The following FNDC3A variants were observed in gnomAD, a reference collection of about 807,000 sequenced individuals.
FNDC3A encodes fibronectin type III domain containing 3A, also known as fibronectin type-III domain-containing protein 3A.
Under a neutral mutation model 148.9 loss-of-function variants are expected in FNDC3A, and 32 were observed. The ratio of observed to expected loss-of-function variants is 0.21; its 90% CI spans 0.16 to 0.29. FNDC3A has a LOEUF of 0.29. Among genes scored for constraint, FNDC3A ranks in the 10% least tolerant of loss-of-function variants. FNDC3A has a pLI of 1.00. For synonymous variants in FNDC3A, 472 were observed against 473.6 expected (o/e 1.00, Z 0.04); for missense variants, 1,191 against 1,452.8 (o/e 0.82, Z 2.93).
intron 2 of FNDC3A, among the ~76,000 whole-genome samples, chr13:49,019,474 G>A (rs536539873): frequency 1.2e-4 from 19 of 152,286 alleles, no homozygotes; most frequent in South Asian, 8.3e-4. Flanking sequence ...CGCAGGGTGC[G>A]CGCACCCACT....
intron 4 of FNDC3A, among the ~76,000 whole-genome samples, chr13:49,129,093 T>C (rs1017568488): frequency 6.6e-6 from 1 of 152,268 alleles, no homozygotes; most frequent in Non-Finnish European, 1.5e-5. Flanking sequence ...AAATATTTAA[T>C]ATATCATTCT....
chr13:48,980,428 T>C (rs1165420419), intron 1 of FNDC3A, among the ~76,000 whole-genome samples: 1 of 152,110 alleles, frequency 6.6e-6, no homozygotes, highest in Non-Finnish European at 1.5e-5. Flanking sequence ...TCTGCAGTAC[T>C]CCAGAAAGAA....
intron 8 of FNDC3A, among the ~76,000 whole-genome samples, chr13:49,161,967 G>A (rs946811021): frequency 7.9e-5 from 12 of 152,166 alleles, no homozygotes; most frequent in African/African-American, 1.2e-4. Context: ...GGTTTCTGCC[G>A]AGAGATCTGC....
chr13:49,014,569 G>GT (rs1319144055), intron 2 of FNDC3A, among the ~76,000 whole-genome samples: 1 of 150,480 alleles, frequency 6.6e-6, no homozygotes, highest in Admixed American at 6.6e-5. Flanking sequence ...TCTGATGGTA[G>GT]TTTCTTTTGC....
intron 1 of FNDC3A, among the ~76,000 whole-genome samples, chr13:49,002,880 G>A (rs985281576): frequency 3.3e-5 from 5 of 152,088 alleles, no homozygotes; most frequent in Admixed American, 6.6e-5. Flanking sequence ...TCTATGAGCC[G>A]TCTTGTATCT....
intron 1 of FNDC3A, among the ~76,000 whole-genome samples, chr13:48,999,969 G>GT (rs538274153): frequency 1.2e-4 from 18 of 152,070 alleles, no homozygotes; most frequent in Admixed American, 2.0e-4. Flanking sequence ...CACTTTTGTG[G>GT]TTTTTTTTAA....
rs768333897 is a variant in FNDC3A, at chr13:49,175,388, A to G, written c.1377A>G (p.Leu459=). The change falls in exon 13 of 26, where the codon TTA becomes TTG. Residue 459 remains leucine (L), a synonymous_variant. Coordinates refer to ENST00000492622, the MANE Select transcript of FNDC3A (RefSeq NM_001079673.2). Reference sequence around the variant, plus strand: ...ACAGTGGTTTTAGTGAAGAAGTCTTATATTACACCTCAGGCTGTGCTCCTT... The same window carrying G: ...ACAGTGGTTTTAGTGAAGAAGTCTTGTATTACACCTCAGGCTGTGCTCCTT... ...YGTSGFSEEV[L]YYTSGCAPSM... 1 of 1,594,404 alleles carries G rather than the reference A, an allele frequency of 6.3e-7. No individual in the cohort carries two copies. Among genetic ancestry groups the G allele is most frequent in the Non-Finnish European group, 8.5e-7 (1 of 1,172,568 alleles).
intron 6 of FNDC3A, 44 bp downstream of exon 6, chr13:49,136,645 C>A: frequency 1.3e-6 from 2 of 1,561,888 alleles, no homozygotes; most frequent in Non-Finnish European, 1.8e-6. Context: ...ATGCTATTCT[C>A]GTGATTTAAC....
At chr13:49,076,063 T>C (rs1878090327) in intron 3 of FNDC3A, among the ~76,000 whole-genome samples, 1 of 152,034 alleles carries the variant, frequency 6.6e-6, no homozygotes, top group African/African-American at 2.4e-5. Context: ...AGTCTCTGGA[T>C]ATCCCCAAAT....
chr13:49,056,186 C>CAA (rs71076063), intron 2 of FNDC3A, among the ~76,000 whole-genome samples: 30 of 131,382 alleles, frequency 2.3e-4, no homozygotes, highest in Admixed American at 6.0e-4. Flanking sequence ...GACCCTGCCT[C>CAA]AAAAAAAAAA....
At chr13:49,066,317 T>C (rs961709483) in intron 2 of FNDC3A, among the ~76,000 whole-genome samples, 1 of 152,188 alleles carries the variant, frequency 6.6e-6, no homozygotes, top group African/African-American at 2.4e-5. Flanking sequence ...CTCAAGGCAA[T>C]CTAGAAAAAA....
At chr13:49,071,160 A>G (rs1482866155) in intron 2 of FNDC3A, among the ~76,000 whole-genome samples, 1 of 141,500 alleles carries the variant, frequency 7.1e-6, no homozygotes, top group East Asian at 2.1e-4. Flanking sequence ...TCAGCCTCCC[A>G]AAGTGCTGGG....
At chr13:49,068,172 TAAA>T (rs1209565702) in intron 2 of FNDC3A, among the ~76,000 whole-genome samples, 3 of 137,474 alleles carry the variant, frequency 2.2e-5, no homozygotes, top group African/African-American at 2.7e-5. Context: ...CGTCTTTATT[TAAA>T]AAAAAAAAAA....
At chr13:49,159,831 T>C (rs990089337) in intron 8 of FNDC3A, among the ~76,000 whole-genome samples, 1 of 152,256 alleles carries the variant, frequency 6.6e-6, no homozygotes, top group Non-Finnish European at 1.5e-5. Context: ...CATGAAGGGC[T>C]GTTGAATTTT....
intron 14 of FNDC3A, among the ~76,000 whole-genome samples, chr13:49,180,973 T>C (rs1885271818): frequency 6.6e-6 from 1 of 152,178 alleles, no homozygotes; most frequent in Non-Finnish European, 1.5e-5. Flanking sequence ...CCCAACACTT[T>C]CGGAGGCTGA....
chr13:49,115,557 C>T (rs1445154729), intron 4 of FNDC3A, among the ~76,000 whole-genome samples: 1 of 152,092 alleles, frequency 6.6e-6, no homozygotes, highest in Non-Finnish European at 1.5e-5. Context: ...AAAAGAAGAG[C>T]GTGCTGGGAA....
At chr13:49,134,746 A>G (rs1051700939) in intron 5 of FNDC3A, among the ~76,000 whole-genome samples, 1 of 137,630 alleles carries the variant, frequency 7.3e-6, no homozygotes, top group African/African-American at 2.8e-5. Flanking sequence ...CCCTAATGCT[A>G]CTAATGTTGA....
chr13:49,051,252 T>A (rs1188817598), intron 2 of FNDC3A, among the ~76,000 whole-genome samples: 1 of 152,194 alleles, frequency 6.6e-6, no homozygotes, highest in East Asian at 1.9e-4. Context: ...ATTGTGTTAT[T>A]GTTATATAGG....
chr13:49,053,588 T>A (rs145166983), intron 2 of FNDC3A, among the ~76,000 whole-genome samples: 25 of 152,182 alleles, frequency 1.6e-4, no homozygotes, highest in African/African-American at 5.5e-4. Context: ...TGTTGGGGGG[T>A]GGCTTATAGG....
Sources: gnomAD v4.1 joint callset for allele counts (sites outside exome capture counted in the v4.1 genomes callset) on GRCh38, gnomAD v4.1.1 for gene constraint, MANE v1.5 for transcripts, NCBI Gene and HGNC (gene_info 2026-07-23, HGNC 2026-07-21) for gene names.